The following SGCZ variants were observed in gnomAD, a reference collection of about 807,000 sequenced individuals.
SGCZ encodes sarcoglycan zeta, also known as zeta-sarcoglycan.
A neutral mutation model predicts 41.3 loss-of-function variants in SGCZ; 40 were observed. That is an observed-to-expected ratio of 0.97 (90% confidence interval 0.75 to 1.26). The LOEUF (loss-of-function observed/expected upper bound fraction) is 1.26, where lower values mean the gene tolerates loss of function less well. Ranked by LOEUF, SGCZ falls within the 50% of genes most tolerant of loss-of-function variation. SGCZ has a pLI of 0.00. For synonymous variants in SGCZ, 206 were observed against 137.5 expected (o/e 1.50, Z -3.49); for missense variants, 552 against 369.8 (o/e 1.49, Z -4.04).
At chr8:14,764,014 G>A (rs1799967454) in intron 1 of SGCZ, among the ~76,000 whole-genome samples, 1 of 152,124 alleles carries the variant, frequency 6.6e-6, no homozygotes, top group Non-Finnish European at 1.5e-5. Context: ...TCCCTATCAA[G>A]TTCCTTGGAG....
At chr8:14,137,704 T>A (rs564831536) in intron 5 of SGCZ, among the ~76,000 whole-genome samples, 7 of 152,208 alleles carry the variant, frequency 4.6e-5, no homozygotes, top group Non-Finnish European at 1.0e-4. Context: ...CTACGTCTGA[T>A]TGGTGTACCT....
chr8:14,393,248 A>G (rs113919711), intron 2 of SGCZ, among the ~76,000 whole-genome samples: 1,601 of 152,252 alleles, frequency 0.011, 28 homozygotes, highest in African/African-American at 0.035. Context: ...TTTTCTCTTT[A>G]ATGAAAACCA....
intron 1 of SGCZ, among the ~76,000 whole-genome samples, chr8:14,609,911 C>A (rs1400693117): frequency 6.6e-6 from 1 of 151,972 alleles, no homozygotes; most frequent in African/African-American, 2.4e-5. Context: ...CTTTGAGCAC[C>A]CTAATTTGTT....
At chr8:14,689,516 G>T (rs974015263) in intron 1 of SGCZ, among the ~76,000 whole-genome samples, 1 of 152,198 alleles carries the variant, frequency 6.6e-6, no homozygotes, top group South Asian at 2.1e-4. Flanking sequence ...GATAGAAGGG[G>T]CCAATATATT....
At chr8:15,178,436 A>G (rs1800064187) in intron 1 of SGCZ, among the ~76,000 whole-genome samples, 1 of 152,182 alleles carries the variant, frequency 6.6e-6, no homozygotes, top group Non-Finnish European at 1.5e-5. Flanking sequence ...TCATGTCTAT[A>G]TTAAGAGGAC....
intron 2 of SGCZ, among the ~76,000 whole-genome samples, chr8:14,521,357 T>A (rs1008135560): frequency 2.0e-5 from 3 of 152,154 alleles, no homozygotes; most frequent in African/African-American, 7.2e-5. Context: ...TTTCCAGAGA[T>A]TCCTCCAGGT....
intron 4 of SGCZ, among the ~76,000 whole-genome samples, chr8:14,218,646 G>T (rs1806083979): frequency 6.6e-6 from 1 of 152,166 alleles, no homozygotes; most frequent in Non-Finnish European, 1.5e-5. Flanking sequence ...TCTTGCTAAT[G>T]ACTTGTTACT....
At chr8:15,144,355 C>T (rs964959852) in intron 1 of SGCZ, among the ~76,000 whole-genome samples, 6 of 152,084 alleles carry the variant, frequency 3.9e-5, no homozygotes, top group African/African-American at 1.4e-4. Context: ...CTCAGGTTGA[C>T]CTATTATTGT....
chr8:15,180,078 C>T (rs1227132548), intron 1 of SGCZ, among the ~76,000 whole-genome samples: 1 of 152,116 alleles, frequency 6.6e-6, no homozygotes, highest in East Asian at 1.9e-4. Context: ...TTTCTAGATT[C>T]CTCTTATCGT....
intron 2 of SGCZ, among the ~76,000 whole-genome samples, chr8:14,463,479 A>G (rs749652672): frequency 2.0e-5 from 3 of 151,444 alleles, no homozygotes; most frequent in Non-Finnish European, 4.4e-5. Flanking sequence ...ACCATATATA[A>G]CAAAATTAAC....
At chr8:14,865,342 T>C (rs1803892806) in intron 1 of SGCZ, among the ~76,000 whole-genome samples, 2 of 152,002 alleles carry the variant, frequency 1.3e-5, no homozygotes, top group South Asian at 4.2e-4. Flanking sequence ...TTCCACTGCA[T>C]TTCTTCTTCC....
intron 1 of SGCZ, among the ~76,000 whole-genome samples, chr8:14,674,566 T>C (rs1049098070): frequency 2.6e-5 from 4 of 152,192 alleles, no homozygotes; most frequent in African/African-American, 9.7e-5. Context: ...ATTCCACAAA[T>C]TTCAGTTTTG....
chr8:14,580,594 T>C (rs1260055055), intron 1 of SGCZ, among the ~76,000 whole-genome samples: 3 of 152,090 alleles, frequency 2.0e-5, no homozygotes, highest in Non-Finnish European at 4.4e-5. Context: ...AGAAAATAAA[T>C]TGGAAATACA....
At chr8:14,872,950 A>T (rs982252389) in intron 1 of SGCZ, among the ~76,000 whole-genome samples, 2 of 152,188 alleles carry the variant, frequency 1.3e-5, no homozygotes, top group African/African-American at 2.4e-5. Context: ...GAAATAAAGC[A>T]GAAGTCAAAC....
chr8:15,222,452 A>G (rs1801636948), intron 1 of SGCZ, among the ~76,000 whole-genome samples: 1 of 152,158 alleles, frequency 6.6e-6, no homozygotes, highest in Non-Finnish European at 1.5e-5. Context: ...ATGAAAAAAA[A>G]ACACCCCTGG....
intron 1 of SGCZ, among the ~76,000 whole-genome samples, chr8:15,162,489 C>G (rs188319258): frequency 2.7e-3 from 417 of 152,334 alleles, no homozygotes; most frequent in Non-Finnish European, 5.2e-3. Flanking sequence ...GATAGATACT[C>G]CTTCATGACT....
At chr8:15,022,093 G>A (rs555695784) in intron 1 of SGCZ, among the ~76,000 whole-genome samples, 46 of 152,272 alleles carry the variant, frequency 3.0e-4, no homozygotes, top group African/African-American at 8.9e-4. Context: ...GCACAAAACC[G>A]TTAAGGTGAC....
rs1241607286 is a variant in SGCZ, at chr8:14,151,933, C to G, written c.547+12647G>C. 3.9e-5 allele frequency among the ~76,000 whole-genome samples: 5 copies of G among 128,290 alleles called. No individual in the cohort carries two copies. In the East Asian group the frequency reaches 8.2e-4, roughly 21 times the overall value. 84.2% of individuals were successfully genotyped at this position (128,290 alleles called of 152,430 possible). On this transcript the variant is annotated intron_variant, in intron 5 of 7. Coordinates refer to ENST00000382080, the MANE Select transcript of SGCZ (RefSeq NM_139167.4). ...TAAAACTCACATTTTGTACAAAAATCAACCAAAAATATATCATAGACTTTA... is the reference window on the plus strand; with the variant it reads ...TAAAACTCACATTTTGTACAAAAATGAACCAAAAATATATCATAGACTTTA...
At chr8:14,899,682 T>C (rs143958633) in intron 1 of SGCZ, among the ~76,000 whole-genome samples, 7 of 152,108 alleles carry the variant, frequency 4.6e-5, no homozygotes, top group Non-Finnish European at 1.0e-4. Flanking sequence ...ACAATCAGGT[T>C]CTTTTGACCT....
Sources: allele counts gnomAD v4.1 joint callset (sites outside exome capture counted in the v4.1 genomes callset), GRCh38; gene constraint gnomAD v4.1.1; transcripts MANE v1.5; gene names NCBI Gene and HGNC (gene_info 2026-07-23, HGNC 2026-07-21).